Variants in PPP1R1C observed in about 807,000 individuals in gnomAD.
PPP1R1C encodes protein phosphatase 1 regulatory inhibitor subunit 1C.
A neutral mutation model predicts 17.4 loss-of-function variants in PPP1R1C; 15 were observed. The observed-to-expected ratio is 0.86, with a 90% confidence interval of 0.58 to 1.33. The LOEUF (loss-of-function observed/expected upper bound fraction) is 1.33, where lower values mean the gene tolerates loss of function less well. Ranked by LOEUF, PPP1R1C falls within the 40% of genes most tolerant of loss-of-function variation. PPP1R1C has a pLI of 0.00. For missense variants in PPP1R1C, 143 were observed against 130.0 expected, an observed-to-expected ratio of 1.10 and a Z score of -0.48; for synonymous variants, 35 against 43.1, an observed-to-expected ratio of 0.81 and a Z score of 0.73.
At chr2:182,061,595 T>A in intron 3 of PPP1R1C, 116 bp downstream of exon 3, 1 of 541,434 alleles carries the variant, frequency 1.8e-6, no homozygotes. Flanking sequence ...TTTAGATTGC[T>A]CCTTCTGACT....
intron 1 of PPP1R1C, among the ~76,000 whole-genome samples, chr2:181,958,666 A>G (rs1359951082): frequency 6.6e-6 from 1 of 152,230 alleles, no homozygotes. Context: ...ACCCCTTGAA[A>G]AGGTAATCAG....
intron 2 of PPP1R1C, among the ~76,000 whole-genome samples, chr2:182,057,762 G>T (rs1208443022): frequency 5.3e-5 from 8 of 151,970 alleles, no homozygotes; most frequent in Non-Finnish European, 8.8e-5. Flanking sequence ...ACTTTTAAAT[G>T]ATATTTTCAT....
chr2:181,980,930 T>G (rs181383278), upstream of PPP1R1C, among the ~76,000 whole-genome samples: 13,387 of 149,440 alleles, frequency 0.09, 782 homozygotes, highest in Non-Finnish European at 0.13. Flanking sequence ...AGGAGAAGTT[T>G]TTTTTTTTTT....
intron 2 of PPP1R1C, among the ~76,000 whole-genome samples, chr2:181,990,927 G>C (rs1685456717): frequency 6.6e-6 from 1 of 152,186 alleles, no homozygotes; most frequent in Admixed American, 6.5e-5. Context: ...ATAATTGGCT[G>C]TTCTTGGACT....
intron 4 of PPP1R1C, among the ~76,000 whole-genome samples, chr2:182,080,966 T>C (rs773821163): frequency 2.0e-4 from 31 of 152,182 alleles, no homozygotes; most frequent in Non-Finnish European, 4.0e-4. Context: ...ATGCCCCTCA[T>C]CCATGGTCAA....
At chr2:182,124,816 A>T (rs571781541) in intron 5 of PPP1R1C, among the ~76,000 whole-genome samples, 1 of 152,272 alleles carries the variant, frequency 6.6e-6, no homozygotes, top group African/African-American at 2.4e-5. Context: ...GGGATTTTCT[A>T]AATATATAAT....
At chr2:181,955,984 A>C (rs1203668935) in intron 1 of PPP1R1C, among the ~76,000 whole-genome samples, 2 of 152,020 alleles carry the variant, frequency 1.3e-5, no homozygotes, top group Non-Finnish European at 2.9e-5. Flanking sequence ...GCACCCATCA[A>C]CCCATCATCT....
intron 2 of PPP1R1C, among the ~76,000 whole-genome samples, chr2:181,999,761 TTA>T (rs2125148307): frequency 6.6e-6 from 1 of 151,930 alleles, no homozygotes; most frequent in African/African-American, 2.4e-5. Context: ...ACTAGATATT[TTA>T]TTCTATAAGC....
At chr2:182,094,176 A>T (rs1299885170) in intron 4 of PPP1R1C, among the ~76,000 whole-genome samples, 1 of 152,290 alleles carries the variant, frequency 6.6e-6, no homozygotes, top group East Asian at 1.9e-4. Context: ...GTCACATCTT[A>T]TGTGGATGGT....
At chr2:182,008,361 A>C (rs1685991937) in intron 2 of PPP1R1C, among the ~76,000 whole-genome samples, 1 of 152,182 alleles carries the variant, frequency 6.6e-6, no homozygotes, top group Admixed American at 6.5e-5. Context: ...ACAATAAAAA[A>C]AAACAGAAAA....
chr2:181,955,126 A>C (rs112752818), intron 1 of PPP1R1C, among the ~76,000 whole-genome samples: 1 of 152,250 alleles, frequency 6.6e-6, no homozygotes, highest in African/African-American at 2.4e-5. Context: ...TAAGATGGCC[A>C]GATGAAAAGT....
chr2:182,037,324 C>T (rs145092813), intron 2 of PPP1R1C, among the ~76,000 whole-genome samples: 2,767 of 152,176 alleles, frequency 0.018, 68 homozygotes, highest in African/African-American at 0.061. Flanking sequence ...GTTATTTAGC[C>T]TTCTAGGCTC....
intron 2 of PPP1R1C, among the ~76,000 whole-genome samples, chr2:182,055,737 TTTC>T (rs1687664460): frequency 6.6e-6 from 1 of 152,214 alleles, no homozygotes; most frequent in Non-Finnish European, 1.5e-5. Flanking sequence ...GAAATTATGC[TTTC>T]TTCTTCATCT....
intron 2 of PPP1R1C, among the ~76,000 whole-genome samples, chr2:182,056,960 T>G (rs1687701205): frequency 1.3e-5 from 2 of 152,188 alleles, no homozygotes; most frequent in African/African-American, 4.8e-5. Flanking sequence ...TTTTTAAAAA[T>G]GGAAGTAATG....
intron 2 of PPP1R1C, 94 bp from the exon 3 acceptor site, chr2:182,061,348 A>T: frequency 1.1e-6 from 1 of 892,984 alleles, no homozygotes; most frequent in Non-Finnish European, 1.7e-6. Flanking sequence ...GGCAATTATT[A>T]AATCATTTTT....
chr2:182,105,151 T>C (rs1044176995), intron 4 of PPP1R1C, among the ~76,000 whole-genome samples: 1 of 152,150 alleles, frequency 6.6e-6, no homozygotes, highest in Non-Finnish European at 1.5e-5. Flanking sequence ...TATTAGTAGA[T>C]TTGGCCAGGC....
chr2:181,962,563 A>G lies in PPP1R1C; in HGVS notation n.111+7929A>G. 2 of 551,536 alleles carry G rather than the reference A, an allele frequency of 3.6e-6. No individual in the cohort carries two copies. The highest frequency in any genetic ancestry group is 6.5e-6 in the Non-Finnish European group (2 of 305,386). 34.2% of individuals were successfully genotyped at this position (551,536 alleles called of 1,614,324 possible). On this transcript the variant is annotated intron_variant and non_coding_transcript_variant, in intron 1 of 5. Coordinates refer to the PPP1R1C transcript ENST00000464264. This position sits in a 1 kb window ranked among gnomAD's most constrained non-coding sequence, Gnocchi z 6.0. The stretch of plus-strand genomic sequence containing the variant: ...TTTTCTAAGGAACCTGCAGAGAAAC[A>G]TCAAGCTCAGATCGAACAAAGCAAA...
intron 4 of PPP1R1C, among the ~76,000 whole-genome samples, chr2:182,073,204 A>G (rs567088991): frequency 5.3e-5 from 8 of 152,078 alleles, no homozygotes; most frequent in East Asian, 3.9e-4. Flanking sequence ...TGCATTTTAT[A>G]TACCTATATA....
intron 4 of PPP1R1C, among the ~76,000 whole-genome samples, chr2:182,110,488 G>A (rs1437501669): frequency 6.6e-6 from 1 of 152,128 alleles, no homozygotes; most frequent in Non-Finnish European, 1.5e-5. Context: ...TCAGAGCTGG[G>A]TGATTGAATT....
Sources: gnomAD v4.1 joint callset for allele counts (sites outside exome capture counted in the v4.1 genomes callset) on GRCh38, gnomAD v4.1.1 for gene constraint, Gnocchi (gnomAD v3.1) non-coding constraint, MANE v1.5 for transcripts, NCBI Gene and HGNC (gene_info 2026-07-23, HGNC 2026-07-21) for gene names.